The following SRGAP3 variants were observed in gnomAD, a reference collection of about 807,000 sequenced individuals.
SRGAP3 encodes SLIT-ROBO Rho GTPase-activating protein 3.
Under a neutral mutation model 121.1 loss-of-function variants are expected in SRGAP3, and 39 were observed. The observed-to-expected ratio is 0.32, with a 90% CI of 0.25 to 0.42. SRGAP3 has a LOEUF of 0.42. Ranked by LOEUF, SRGAP3 falls within the 10% of genes least tolerant of loss-of-function variation. The pLI is 1.00. For synonymous variants in SRGAP3, 601 were observed against 570.0 expected (o/e 1.05, Z -0.77); for missense variants, 1,213 against 1,470.6 (o/e 0.82, Z 2.86).
Position 8,980,900 on chromosome 3 carries a change from C to T in SRGAP3, c.*4619G>A, listed in dbSNP as rs1941383489. 1 of 233,484 alleles carries T rather than the reference C, an allele frequency of 4.3e-6. No individual in the cohort carries two copies. The highest frequency in any genetic ancestry group is 6.0e-5 in the East Asian group (1 of 16,550). 14.5% of individuals were successfully genotyped at this position (233,484 alleles called of 1,614,324 possible). On this transcript the variant is annotated 3_prime_UTR_variant, in exon 22 of 22. Coordinates refer to ENST00000383836, the MANE Select transcript of SRGAP3 (RefSeq NM_014850.4). ...CAAACCTATTGCCAAACCATGTAAACAGTCACACTGCCGGGAACAAGGGCC... is the reference window on the plus strand; with the variant it reads ...CAAACCTATTGCCAAACCATGTAAATAGTCACACTGCCGGGAACAAGGGCC...
At chr3:9,174,206 T>C (rs551743443) in intron 1 of SRGAP3, among the ~76,000 whole-genome samples, 13 of 152,216 alleles carry the variant, frequency 8.5e-5, no homozygotes, top group Non-Finnish European at 1.5e-4. Context: ...TGAGGAGTTA[T>C]TGTTTAGTTT....
chr3:9,179,073 C>T lies in SRGAP3; in HGVS notation c.68-54156G>A, dbSNP rs376929707. 5.9e-5 allele frequency among the ~76,000 whole-genome samples: 9 copies of T among 152,334 alleles called. No individual in the cohort carries two copies. The East Asian group carries it at 1.4e-3, about 23-fold the overall frequency. ...CTGCCCATCGAACAAGATCCATCCA[C>T]CCAGTAACTTCAGGACACCATACAC... is the stretch of plus-strand genomic sequence containing the variant. On this transcript the variant is annotated intron_variant, in intron 1 of 21. Transcript: ENST00000383836.
intron 14 of SRGAP3, among the ~76,000 whole-genome samples, chr3:9,019,732 C>T (rs1260569224): frequency 6.6e-6 from 1 of 152,232 alleles, no homozygotes; most frequent in Non-Finnish European, 1.5e-5. Context: ...CCCCTGCCTT[C>T]CTGCACCAAG....
chr3:9,199,067 C>T (rs1471480913), intron 1 of SRGAP3, among the ~76,000 whole-genome samples: 2 of 152,092 alleles, frequency 1.3e-5, no homozygotes, highest in Non-Finnish European at 2.9e-5. Flanking sequence ...TCTGCCCCCC[C>T]TTCCCATCCT....
At chr3:9,136,407 C>CG (rs1553675168) in intron 1 of SRGAP3, among the ~76,000 whole-genome samples, 1 of 150,270 alleles carries the variant, frequency 6.7e-6, no homozygotes, top group Non-Finnish European at 1.5e-5. Context: ...CCCCCCCCCC[C>CG]CGACCGCCCC....
intron 2 of SRGAP3, among the ~76,000 whole-genome samples, chr3:9,114,824 T>C (rs1948747768): frequency 6.6e-6 from 1 of 152,252 alleles, no homozygotes; most frequent in South Asian, 2.1e-4. Flanking sequence ...GTTTGGTGCC[T>C]GTGCTGTGCA....
chr3:9,199,953 GA>G (rs1423040844), intron 1 of SRGAP3, among the ~76,000 whole-genome samples: 3 of 152,168 alleles, frequency 2.0e-5, no homozygotes, highest in East Asian at 1.9e-4. Context: ...AAATGCTTAA[GA>G]AAAAAATCAA....
Position 9,058,278 on chromosome 3 carries a change from G to T in SRGAP3, c.996C>A (p.Phe332Leu), listed in dbSNP as rs776066959. The T allele has an allele frequency of 1.2e-5, 20 of 1,614,098 alleles. No individual in the cohort carries two copies. The highest frequency in any genetic ancestry group is 3.3e-5 in the South Asian group (3 of 91,072). The change falls in exon 7 of 22, where the codon TTC (phenylalanine) becomes TTA (leucine). Residue 332 changes from phenylalanine to leucine, a missense_variant. Transcript: ENST00000383836. ...CATCCCCCATGTGGGGCTGGAACTC[G>T]AACTTGAGTGGAGGGCAGAAGACTT... ...CNQVFCPPLK[F>L]EFQPHMGDEV...
In SRGAP3 at chr3:9,218,949, AGGC is replaced by A. The variant is rs1952716682; in HGVS notation, c.67+29933_67+29935del. Among the ~76,000 whole-genome samples the A allele has an allele frequency of 6.6e-6, 1 of 152,206 alleles. No homozygotes were observed. Among genetic ancestry groups the A allele is most frequent in the East Asian group, 1.9e-4 (1 of 5,186 alleles). On this transcript the variant is annotated intron_variant, in intron 1 of 21. Coordinates refer to ENST00000383836, the MANE Select transcript of SRGAP3 (RefSeq NM_014850.4). This position sits in a 1 kb window ranked among gnomAD's most constrained non-coding sequence, Gnocchi z 5.3. ...CGGCCTCCCAAAGTGTTGGGATTAC[AGGC>A]GTGAGCCACTGCGCCCAGCCTATTT... is the stretch of plus-strand genomic sequence containing the variant.
intron 1 of SRGAP3, among the ~76,000 whole-genome samples, chr3:9,359,717 A>G (rs191449028): frequency 1.3e-5 from 2 of 152,362 alleles, no homozygotes; most frequent in African/African-American, 4.8e-5. Flanking sequence ...GATTCTGTTT[A>G]CTGCAAAATG....
chr3:9,104,904 G>C, intron 2 of SRGAP3, 62 bp from the exon 3 acceptor site: 1 of 1,602,352 alleles, frequency 6.2e-7, no homozygotes, highest in Non-Finnish European at 8.5e-7. Flanking sequence ...AGTGGTTTAT[G>C]CTGTCACCCA....
intron 1 of SRGAP3, among the ~76,000 whole-genome samples, chr3:9,332,432 C>A (rs1246044856): frequency 6.6e-6 from 1 of 152,128 alleles, no homozygotes; most frequent in African/African-American, 2.4e-5. Flanking sequence ...GTGAGGTTAT[C>A]TTGTATCTCC....
At chr3:8,997,613 A>G (rs1232239866) in intron 18 of SRGAP3, among the ~76,000 whole-genome samples, 1 of 152,054 alleles carries the variant, frequency 6.6e-6, no homozygotes, top group East Asian at 1.9e-4. Flanking sequence ...CACTAGCTCA[A>G]TCTGCTCTTG....
At chr3:9,320,923 TAC>T (rs1013543512) in intron 3 of SRGAP3, among the ~76,000 whole-genome samples, 2 of 151,898 alleles carry the variant, frequency 1.3e-5, no homozygotes, top group Non-Finnish European at 2.9e-5. Flanking sequence ...AGTGTGTATA[TAC>T]AGACAGTATA....
chr3:9,319,562 G>C (rs147387697), intron 3 of SRGAP3, among the ~76,000 whole-genome samples: 54 of 152,032 alleles, frequency 3.6e-4, no homozygotes, highest in Non-Finnish European at 6.6e-4. Flanking sequence ...CAGGGACTAA[G>C]AAGTCAAGAG....
At chr3:9,362,809 C>G (rs1304546347) in intron 1 of SRGAP3, 1 of 152,106 alleles carries the variant, frequency 6.6e-6, no homozygotes, top group African/African-American at 2.4e-5. Flanking sequence ...GAGACTTGTT[C>G]CAAATGAGAT....
chr3:9,093,698 G>A (rs1947852583), intron 3 of SRGAP3, among the ~76,000 whole-genome samples: 1 of 152,064 alleles, frequency 6.6e-6, no homozygotes, highest in Non-Finnish European at 1.5e-5. Context: ...AAGTGTATAT[G>A]TATAATAACA....
intron 1 of SRGAP3, among the ~76,000 whole-genome samples, chr3:9,177,193 G>A (rs1451710524): frequency 6.6e-6 from 1 of 152,232 alleles, no homozygotes; most frequent in Non-Finnish European, 1.5e-5. Flanking sequence ...ACTGGGTGAT[G>A]TGGACACAAA....
chr3:9,213,239 G>A (rs1441587364), intron 1 of SRGAP3, among the ~76,000 whole-genome samples: 1 of 151,906 alleles, frequency 6.6e-6, no homozygotes, highest in East Asian at 1.9e-4. Context: ...GTCTGAAGTG[G>A]AAACCAAAGG....
Sources: gnomAD v4.1 joint callset for allele counts (sites outside exome capture counted in the v4.1 genomes callset) on GRCh38, gnomAD v4.1.1 for gene constraint, Gnocchi (gnomAD v3.1) non-coding constraint, MANE v1.5 for transcripts, NCBI Gene and HGNC (gene_info 2026-07-23, HGNC 2026-07-21) for gene names.